The following PTPN1 variants were observed in gnomAD, a reference collection of about 807,000 sequenced individuals.
PTPN1 encodes the protein tyrosine-protein phosphatase non-receptor type 1.
In PTPN1, 12 loss-of-function variants were observed where a neutral mutation model predicts 59.9. The ratio of observed to expected loss-of-function variants is 0.20; its 90% CI spans 0.13 to 0.32. The LOEUF is 0.32. Ranked by LOEUF, PTPN1 falls within the 10% of genes least tolerant of loss-of-function variation. The pLI is 1.00. For missense variants in PTPN1, 356 were observed against 549.2 expected, an observed-to-expected ratio of 0.65 and a Z score of 3.52; for synonymous variants, 178 against 203.6, an observed-to-expected ratio of 0.87 and a Z score of 1.07.
chr20:50,547,949 TAG>T (rs750865737), intron 1 of PTPN1, among the ~76,000 whole-genome samples: 1 of 152,236 alleles, frequency 6.6e-6, no homozygotes, highest in Non-Finnish European at 1.5e-5. Context: ...TGCATAACTG[TAG>T]AGTTTTAAAA....
At chr20:50,543,268 G>C (rs778931661) in intron 1 of PTPN1, among the ~76,000 whole-genome samples, 1 of 152,164 alleles carries the variant, frequency 6.6e-6, no homozygotes, top group South Asian at 2.1e-4. Context: ...CCTTACAGAA[G>C]GACAAAGGAG....
At chr20:50,517,233 T>C (rs2082532473) in intron 1 of PTPN1, among the ~76,000 whole-genome samples, 1 of 152,126 alleles carries the variant, frequency 6.6e-6, no homozygotes, top group Non-Finnish European at 1.5e-5. Flanking sequence ...TATAAATGAT[T>C]TTCAGTCCTT....
At chr20:50,557,727 C>G (rs887314260) in intron 1 of PTPN1, 2 of 152,144 alleles carry the variant, frequency 1.3e-5, no homozygotes, top group Non-Finnish European at 2.9e-5. Context: ...TTCAGTGGCT[C>G]TTCGCGGGCA....
chr20:50,561,034 G>A (rs188321805), intron 1 of PTPN1, among the ~76,000 whole-genome samples: 29 of 152,236 alleles, frequency 1.9e-4, no homozygotes, highest in East Asian at 1.2e-3. Context: ...GCCGTCTGTC[G>A]CACCTCCTAC....
intron 1 of PTPN1, among the ~76,000 whole-genome samples, chr20:50,533,696 C>G (rs908392040): frequency 1.3e-5 from 2 of 152,040 alleles, no homozygotes; most frequent in Non-Finnish European, 2.9e-5. Context: ...CCTTGCCCCC[C>G]CCCAGAAAGG....
intron 8 of PTPN1, among the ~76,000 whole-genome samples, chr20:50,580,688 G>A (rs151061039): frequency 9.5e-4 from 144 of 152,328 alleles, no homozygotes; most frequent in African/African-American, 3.3e-3. Flanking sequence ...TGACCCAGCA[G>A]TTGTATACAT....
At chr20:50,571,352 G>T (rs141986401) in intron 4 of PTPN1, 3 of 152,202 alleles carry the variant, frequency 2.0e-5, no homozygotes, top group Non-Finnish European at 4.4e-5. Flanking sequence ...TTACTTGGGC[G>T]TGCAGATTGG....
chr20:50,576,131 G>A (rs1354887080), intron 5 of PTPN1, among the ~76,000 whole-genome samples: 3 of 152,156 alleles, frequency 2.0e-5, no homozygotes, highest in South Asian at 4.1e-4. Context: ...TTCTGAGTAC[G>A]GTGGATGGAG....
At chr20:50,532,106 G>T (rs1378098148) in intron 1 of PTPN1, among the ~76,000 whole-genome samples, 1 of 152,234 alleles carries the variant, frequency 6.6e-6, no homozygotes, top group Non-Finnish European at 1.5e-5. Context: ...ACCAATGCCA[G>T]TTGAAGAGGA....
At chr20:50,543,829 C>T (rs193034710) in intron 1 of PTPN1, among the ~76,000 whole-genome samples, 26 of 152,044 alleles carry the variant, frequency 1.7e-4, no homozygotes, top group African/African-American at 6.3e-4. Context: ...GGTTGGAATA[C>T]ATAAAAATTA....
chr20:50,539,429 A>G (rs765270246), intron 1 of PTPN1, among the ~76,000 whole-genome samples: 25 of 152,152 alleles, frequency 1.6e-4, no homozygotes, highest in African/African-American at 5.8e-4. Context: ...GTACATATTC[A>G]TAATAGTTTG....
chr20:50,543,302 A>G (rs981179374), intron 1 of PTPN1, among the ~76,000 whole-genome samples: 3 of 152,226 alleles, frequency 2.0e-5, no homozygotes, highest in Non-Finnish European at 4.4e-5. Context: ...AACTACAAAA[A>G]TACTATTGTA....
chr20:50,580,360 TC>T (rs1044636166), intron 8 of PTPN1, among the ~76,000 whole-genome samples: 16 of 152,218 alleles, frequency 1.1e-4, no homozygotes, highest in Non-Finnish European at 1.9e-4. Context: ...CCATTTTACT[TC>T]CTTGCAGGTT....
intron 5 of PTPN1, among the ~76,000 whole-genome samples, chr20:50,575,387 G>A (rs1336510339): frequency 2.6e-5 from 4 of 152,146 alleles, no homozygotes; most frequent in Admixed American, 2.6e-4. Context: ...CAGTGTCTCC[G>A]TTTCCTCTTC....
In PTPN1 at chr20:50,581,359, C is replaced by T. The variant is rs1412781369; in HGVS notation, c.1183C>T (p.Pro395Ser). 3 of 1,614,020 alleles carry T rather than the reference C, an allele frequency of 1.9e-6. No individual in the cohort carries two copies. Among genetic ancestry groups the T allele is most frequent in the Non-Finnish European group, 2.5e-6 (3 of 1,179,994 alleles). Residue 395 changes from proline to serine, a missense_variant, in exon 9 of 10, where the codon CCC becomes TCC. Physicochemically the swap from Pro to Ser is moderately conservative, Grantham distance 74. Coordinates refer to ENST00000371621, the MANE Select transcript of PTPN1 (RefSeq NM_002827.4). ...ASPAKGEPSL[P>S]EKDEDHALSY... is the part of the protein sequence containing the mutation. Reference sequence around the variant, plus strand: ...CCCAGCCAAAGGGGAGCCGTCACTGCCCGAGAAGGACGAGGACCATGCACT... The same window carrying T: ...CCCAGCCAAAGGGGAGCCGTCACTGTCCGAGAAGGACGAGGACCATGCACT...
At chr20:50,577,396 C>T (rs1038019927) in intron 5 of PTPN1, 1 of 152,290 alleles carries the variant, frequency 6.6e-6, no homozygotes, top group African/African-American at 2.4e-5. Context: ...CAGGGAAACT[C>T]TCCAGGCTGG....
chr20:50,554,380 A>ATCTC lies in PTPN1; in HGVS notation c.64-6958_64-6955dup, dbSNP rs1555829975. On this transcript the variant is annotated intron_variant, in intron 1 of 9. Coordinates refer to ENST00000371621, the MANE Select transcript of PTPN1 (RefSeq NM_002827.4). ...CCAGCCTAGGCAACAGCAAGACCAC[A>ATCTC]TCTCTCTCTCTCTCTCTCTCTCTCT... Among the ~76,000 whole-genome samples the ATCTC allele has an allele frequency of 1.2e-3, 166 of 140,274 alleles. 3 individuals carry two copies. The highest frequency in any genetic ancestry group is 1.7e-3 in the African/African-American group (65 of 37,258). 92.0% of individuals were successfully genotyped at this position (140,274 alleles called of 152,430 possible).
At chr20:50,562,796 G>A (rs1024094075) in intron 2 of PTPN1, among the ~76,000 whole-genome samples, 8 of 152,156 alleles carry the variant, frequency 5.3e-5, no homozygotes, top group African/African-American at 1.2e-4. Flanking sequence ...CCTCCAGACC[G>A]CTGATCAACA....
chr20:50,578,176 G>T, intron 5 of PTPN1: 1 of 497,652 alleles, frequency 2.0e-6, no homozygotes, highest in Admixed American at 3.4e-5. Flanking sequence ...GAGGTGAGGG[G>T]ACTCTTCAAT....
Sources: gnomAD v4.1 joint callset for allele counts (sites outside exome capture counted in the v4.1 genomes callset) on GRCh38, gnomAD v4.1.1 for gene constraint, MANE v1.5 for transcripts, NCBI Gene and HGNC (gene_info 2026-07-23, HGNC 2026-07-21) for gene names.